The following AHCYL2 variants were observed in gnomAD, a reference collection of about 807,000 sequenced individuals.
The protein encoded by AHCYL2 is adenosylhomocysteinase like 2.
Under a neutral mutation model 81.4 loss-of-function variants are expected in AHCYL2, and 28 were observed. The ratio of observed to expected loss-of-function variants is 0.34; its 90% CI spans 0.25 to 0.47. The LOEUF (loss-of-function observed/expected upper bound fraction) is 0.47. Among genes scored for constraint, AHCYL2 ranks in the 20% least tolerant of loss-of-function variants. The probability of loss-of-function intolerance (pLI) is 1.00; values close to 1 mark genes in which losing one functional copy is unlikely to be tolerated. For synonymous variants in AHCYL2, 272 were observed against 290.2 expected (o/e 0.94, Z 0.64); for missense variants, 551 against 785.1 (o/e 0.70, Z 3.56).
chr7:129,328,365 A>T (rs1798301704), intron 1 of AHCYL2, among the ~76,000 whole-genome samples: 1 of 148,532 alleles, frequency 6.7e-6, no homozygotes, highest in Admixed American at 6.7e-5. Flanking sequence ...TTTAATTGAG[A>T]TGGGGTTTTG....
chr7:129,269,479 G>A (rs1795929231), intron 1 of AHCYL2, among the ~76,000 whole-genome samples: 1 of 151,930 alleles, frequency 6.6e-6, no homozygotes, highest in Admixed American at 6.6e-5. Context: ...AGTAGAGATG[G>A]GGTTTCACCA....
At chr7:129,251,345 ATAAG>A (rs1795244917) in intron 1 of AHCYL2, among the ~76,000 whole-genome samples, 1 of 146,918 alleles carries the variant, frequency 6.8e-6, no homozygotes, top group African/African-American at 2.6e-5. Context: ...TTTTTTTTAA[ATAAG>A]AGTGATTAAA....
intron 1 of AHCYL2, among the ~76,000 whole-genome samples, chr7:129,255,001 G>A (rs1258757271): frequency 4.6e-5 from 7 of 152,076 alleles, no homozygotes; most frequent in Admixed American, 2.0e-4. Flanking sequence ...AGGGCCGGGC[G>A]TGGTGGCTCC....
At chr7:129,420,520 C>T (rs939114343) in intron 12 of AHCYL2, among the ~76,000 whole-genome samples, 1 of 148,928 alleles carries the variant, frequency 6.7e-6, no homozygotes, top group African/African-American at 2.5e-5. Context: ...ACTGTTACCA[C>T]CCAGACTGGA....
intron 11 of AHCYL2, among the ~76,000 whole-genome samples, chr7:129,412,529 C>G (rs548547471): frequency 1.3e-4 from 20 of 151,824 alleles, no homozygotes; most frequent in African/African-American, 3.1e-4. Flanking sequence ...AATCCACCCC[C>G]CTCAGCCTCC....
rs202238607 is a variant in AHCYL2, at chr7:129,403,457, G to A, written c.997G>A (p.Val333Ile). 253 of 1,610,692 alleles carry A rather than the reference G, an allele frequency of 1.6e-4. No homozygotes were observed. In the East Asian group the frequency reaches 5.4e-3, roughly 34 times the overall value. Residue 333 changes from valine (V) to isoleucine (I), a missense_variant, in exon 7 of 17, where the codon GTA (valine) becomes ATA (isoleucine). By Grantham distance (29) the Val-to-Ile change is conservative. This residue lies in a region of AHCYL2 where 316 missense variants were observed against 543.1 expected (regional missense o/e 0.58). Coordinates refer to ENST00000325006, the MANE Select transcript of AHCYL2 (RefSeq NM_015328.4). The stretch of plus-strand genomic sequence containing the variant: ...CATGTTTAAGAAAATCAAGGGCATA[G>A]TAGAGGAGAGTGTTACTGGAGTTCA... ...PNMFKKIKGI[V>I]EESVTGVHRL...
intron 1 of AHCYL2, among the ~76,000 whole-genome samples, chr7:129,373,672 T>C (rs1027971609): frequency 9.9e-5 from 15 of 152,080 alleles, no homozygotes; most frequent in Non-Finnish European, 2.2e-4. Context: ...TCCTAAAATG[T>C]CTTCTGGTTC....
chr7:129,298,017 A>G (rs1487768980), intron 1 of AHCYL2, among the ~76,000 whole-genome samples: 1 of 152,158 alleles, frequency 6.6e-6, no homozygotes, highest in African/African-American at 2.4e-5. Flanking sequence ...TGACAGCGAG[A>G]TCCTGTCTCC....
At chr7:129,335,124 G>A (rs1174061826) in intron 1 of AHCYL2, among the ~76,000 whole-genome samples, 2 of 152,186 alleles carry the variant, frequency 1.3e-5, no homozygotes, top group Non-Finnish European at 2.9e-5. Context: ...GCTCATGCCT[G>A]TAATCCCAGC....
At chr7:129,314,506 C>G (rs886360358) in intron 1 of AHCYL2, among the ~76,000 whole-genome samples, 8 of 152,146 alleles carry the variant, frequency 5.3e-5, no homozygotes, top group African/African-American at 1.9e-4. Context: ...AAGAACAAGG[C>G]ACCAATAGAT....
chr7:129,288,818 G>A (rs190343355), intron 1 of AHCYL2, among the ~76,000 whole-genome samples: 33 of 151,992 alleles, frequency 2.2e-4, no homozygotes, highest in African/African-American at 6.8e-4. Flanking sequence ...ACCCAGGCTG[G>A]AGGTGCAGTA....
chr7:129,248,522 T>A (rs536361402), intron 1 of AHCYL2, among the ~76,000 whole-genome samples: 409 of 121,234 alleles, frequency 3.4e-3, no homozygotes, highest in East Asian at 5.3e-3. Context: ...TTTTTTTTTT[T>A]AAATATTTTT....
chr7:129,292,555 T>C (rs1796904642), intron 1 of AHCYL2, among the ~76,000 whole-genome samples: 1 of 152,016 alleles, frequency 6.6e-6, no homozygotes, highest in Non-Finnish European at 1.5e-5. Context: ...TCACCTGAGG[T>C]CAGGAGTTCA....
At chr7:129,389,817 C>A in intron 4 of AHCYL2, 83 bp downstream of exon 4, 1 of 1,127,176 alleles carries the variant, frequency 8.9e-7, no homozygotes, top group Non-Finnish European at 1.3e-6. Context: ...TGCCAAGCAC[C>A]GAGTTAAGAG....
chr7:129,409,300 C>T (rs560809454), intron 10 of AHCYL2, among the ~76,000 whole-genome samples, 176 bp from the exon 11 acceptor site: 2 of 152,260 alleles, frequency 1.3e-5, no homozygotes, highest in South Asian at 2.1e-4. Flanking sequence ...GTGATGCAAA[C>T]GAACCTTTTA....
At chr7:129,255,566 ATGTGTG>A (rs139114235) in intron 1 of AHCYL2, among the ~76,000 whole-genome samples, 1 of 151,566 alleles carries the variant, frequency 6.6e-6, no homozygotes, top group African/African-American at 2.4e-5. Flanking sequence ...ATTTACATGA[ATGTGTG>A]TGTGTGTGTA....
intron 1 of AHCYL2, among the ~76,000 whole-genome samples, chr7:129,308,317 C>T (rs1797517727): frequency 6.6e-6 from 1 of 152,146 alleles, no homozygotes; most frequent in African/African-American, 2.4e-5. Context: ...TCTGAATGCT[C>T]CCTCTGTGGG....
intron 1 of AHCYL2, among the ~76,000 whole-genome samples, chr7:129,286,593 TG>T (rs1223081021): frequency 6.6e-6 from 1 of 152,152 alleles, no homozygotes; most frequent in Non-Finnish European, 1.5e-5. Context: ...CCCGAGTAGC[TG>T]GGACCACAGG....
At chr7:129,281,887 T>C (rs990085568) in intron 1 of AHCYL2, among the ~76,000 whole-genome samples, 1 of 152,248 alleles carries the variant, frequency 6.6e-6, no homozygotes, top group African/African-American at 2.4e-5. Context: ...ACATTTCCTT[T>C]AGTGCTGCTT....
Sources: allele counts gnomAD v4.1 joint callset (sites outside exome capture counted in the v4.1 genomes callset), GRCh38; gene constraint gnomAD v4.1.1; regional missense constraint gnomAD v4.1.1; transcripts MANE v1.5; gene names NCBI Gene and HGNC (gene_info 2026-07-23, HGNC 2026-07-21).